Variants in SLC26A7 observed in about 807,000 individuals in gnomAD.
SLC26A7 encodes the protein solute carrier family 26 member 7.
SLC26A7 carries 59 observed loss-of-function variants against 82.5 expected under a neutral mutation model. The observed-to-expected ratio is 0.72, with a 90% CI of 0.58 to 0.89. The LOEUF (loss-of-function observed/expected upper bound fraction) is 0.89, where lower values mean the gene tolerates loss of function less well. Ranked by LOEUF, SLC26A7 falls within the 40% of genes least tolerant of loss-of-function variation. The probability of loss-of-function intolerance (pLI) is 0.00; values close to 1 mark genes in which losing one functional copy is unlikely to be tolerated. For synonymous variants in SLC26A7, 271 were observed against 274.3 expected, an observed-to-expected ratio of 0.99 and a Z score of 0.12; for missense variants, 820 against 793.0, an observed-to-expected ratio of 1.03 and a Z score of -0.41.
At chr8:91,331,945 T>G (rs896104154) in intron 5 of SLC26A7, among the ~76,000 whole-genome samples, 1 of 151,942 alleles carries the variant, frequency 6.6e-6, no homozygotes, top group East Asian at 1.9e-4. Context: ...CCATTTGTAT[T>G]TCTTCTGTTA....
At chr8:91,327,413 G>T (rs879580867) in intron 5 of SLC26A7, among the ~76,000 whole-genome samples, 5 of 152,118 alleles carry the variant, frequency 3.3e-5, no homozygotes, top group Admixed American at 6.6e-5. Flanking sequence ...CTTTACAGTA[G>T]ATACAATGAG....
chr8:91,234,983 G>C (rs942859996), intron 2 of SLC26A7, among the ~76,000 whole-genome samples: 8 of 151,628 alleles, frequency 5.3e-5, no homozygotes, highest in Non-Finnish European at 1.5e-5. Context: ...GCAGTGGTGT[G>C]ATCGTGGCTC....
intron 15 of SLC26A7, among the ~76,000 whole-genome samples, chr8:91,378,414 T>C (rs1204011552): frequency 2.0e-5 from 3 of 147,180 alleles, no homozygotes; most frequent in Non-Finnish European, 4.5e-5. Flanking sequence ...AAAGTATATA[T>C]AAATAATATA....
At chr8:91,339,343 C>A (rs1302781820) in intron 7 of SLC26A7, among the ~76,000 whole-genome samples, 1 of 151,874 alleles carries the variant, frequency 6.6e-6, no homozygotes, top group African/African-American at 2.4e-5. Context: ...GTGACCTTTC[C>A]AGACCCATCC....
intron 2 of SLC26A7, among the ~76,000 whole-genome samples, chr8:91,273,917 C>T (rs1238229703): frequency 6.6e-6 from 1 of 152,122 alleles, no homozygotes; most frequent in Non-Finnish European, 1.5e-5. Context: ...TATCTTATGT[C>T]CCTTTGTATC....
At chr8:91,337,925 A>G (rs1263040813) in intron 6 of SLC26A7, among the ~76,000 whole-genome samples, 1 of 145,140 alleles carries the variant, frequency 6.9e-6, no homozygotes, top group Admixed American at 7.0e-5. Flanking sequence ...TAGAAAAGCC[A>G]TATGATTGGG....
chr8:91,286,157 G>A (rs1005449267), intron 2 of SLC26A7, among the ~76,000 whole-genome samples: 4 of 152,118 alleles, frequency 2.6e-5, no homozygotes, highest in Non-Finnish European at 4.4e-5. Flanking sequence ...CTTGGTCTGG[G>A]GTCAGGCACT....
chr8:91,302,258 AT>A (rs1213907620), intron 4 of SLC26A7, among the ~76,000 whole-genome samples: 1 of 151,146 alleles, frequency 6.6e-6, no homozygotes, highest in Non-Finnish European at 1.5e-5. Context: ...TGCCTTTTTG[AT>A]TTTTTTTGCA....
chr8:91,213,250 A>G (rs1809968586), intron 1 of SLC26A7, among the ~76,000 whole-genome samples: 1 of 152,150 alleles, frequency 6.6e-6, no homozygotes, highest in African/African-American at 2.4e-5. Flanking sequence ...TTCTGTTCTT[A>G]TCACAGTCCA....
chr8:91,343,441 T>A lies in SLC26A7; in HGVS notation c.1115T>A (p.Leu372Gln). The change falls in exon 9 of 19, where the codon CTG becomes CAG. Residue 372 changes from leucine (L) to glutamine (Q), a missense_variant. Coordinates refer to ENST00000276609, the MANE Select transcript of SLC26A7 (RefSeq NM_052832.4). Reference sequence around the variant, plus strand: ...GCTGCCATGGGAAGGACGGCTGGCCTGTACAGCACAGGAGCGAAGACACAG... The same window carrying A: ...GCTGCCATGGGAAGGACGGCTGGCCAGTACAGCACAGGAGCGAAGACACAG... ...SAAAMGRTAGLYSTGAKTQVA... is the reference protein window; with the variant it reads ...SAAAMGRTAGQYSTGAKTQVA... 6.2e-7 allele frequency: 1 copy of A among 1,612,418 alleles called. No homozygotes were observed. Among genetic ancestry groups the A allele is most frequent in the Non-Finnish European group, 8.5e-7 (1 of 1,179,824 alleles).
At chr8:91,322,242 G>A (rs1432461707) in intron 5 of SLC26A7, among the ~76,000 whole-genome samples, 1 of 151,934 alleles carries the variant, frequency 6.6e-6, no homozygotes, top group Non-Finnish European at 1.5e-5. Context: ...AATTAAAAAA[G>A]CTATGTTTTT....
intron 15 of SLC26A7, among the ~76,000 whole-genome samples, chr8:91,377,535 G>A (rs1393580037): frequency 1.3e-5 from 2 of 152,190 alleles, no homozygotes; most frequent in African/African-American, 2.4e-5. Context: ...CAGGGCAGAA[G>A]TCCACCATAG....
intron 1 of SLC26A7, among the ~76,000 whole-genome samples, chr8:91,216,043 T>A (rs1282765310): frequency 6.6e-6 from 1 of 152,188 alleles, no homozygotes; most frequent in Non-Finnish European, 1.5e-5. Flanking sequence ...TGAGTTGTTT[T>A]TCTAAGTTAA....
At chr8:91,338,410 C>G (rs376974954) in intron 7 of SLC26A7, among the ~76,000 whole-genome samples, 178 bp downstream of exon 7, 8 of 152,022 alleles carry the variant, frequency 5.3e-5, no homozygotes, top group Non-Finnish European at 2.9e-5. Flanking sequence ...TAGACTTCAC[C>G]TCTTACTAAG....
chr8:91,272,277 C>G (rs1254433549), intron 2 of SLC26A7, among the ~76,000 whole-genome samples: 3 of 152,150 alleles, frequency 2.0e-5, no homozygotes, highest in Admixed American at 2.0e-4. Flanking sequence ...ACCTGGGCTT[C>G]ATGGAAGAGA....
intron 5 of SLC26A7, among the ~76,000 whole-genome samples, chr8:91,332,206 C>A (rs896050166): frequency 1.3e-4 from 18 of 143,860 alleles, no homozygotes; most frequent in Non-Finnish European, 4.5e-5. Flanking sequence ...GACCCTACCT[C>A]TTTCTATATA....
chr8:91,352,077 C>T (rs1328174146), intron 10 of SLC26A7, among the ~76,000 whole-genome samples, 190 bp downstream of exon 10: 1 of 151,680 alleles, frequency 6.6e-6, no homozygotes, highest in African/African-American at 2.4e-5. Flanking sequence ...GGTACCGTGG[C>T]TGTTTTTTTT....
chr8:91,271,802 G>T (rs971491644), intron 2 of SLC26A7, among the ~76,000 whole-genome samples: 2 of 152,044 alleles, frequency 1.3e-5, no homozygotes, highest in Admixed American at 1.3e-4. Flanking sequence ...CACCGTATTA[G>T]CCAGGATGGT....
At chr8:91,223,938 C>G (rs1369110980) in intron 2 of SLC26A7, among the ~76,000 whole-genome samples, 1 of 151,742 alleles carries the variant, frequency 6.6e-6, no homozygotes, top group Non-Finnish European at 1.5e-5. Context: ...TCTTCAGACT[C>G]TGATATCCTT....
Sources: gnomAD v4.1 joint callset for allele counts (sites outside exome capture counted in the v4.1 genomes callset) on GRCh38, gnomAD v4.1.1 for gene constraint, MANE v1.5 for transcripts, NCBI Gene and HGNC (gene_info 2026-07-23, HGNC 2026-07-21) for gene names.